LTBP1: variants seen among roughly 807,000 people sequenced by gnomAD.
LTBP1 encodes the protein latent-transforming growth factor beta-binding protein 1.
A neutral mutation model predicts 207.6 loss-of-function variants in LTBP1; 129 were observed. The ratio of observed to expected loss-of-function variants is 0.62; its 90% CI spans 0.54 to 0.72. The LOEUF is 0.72. LTBP1 is among the 30% of genes least tolerant of loss of function. The pLI is 0.00. For synonymous variants in LTBP1, 963 were observed against 833.7 expected (o/e 1.16, Z -2.67); for missense variants, 2,281 against 2,217.2 (o/e 1.03, Z -0.58).
At chr2:33,392,696 C>T (rs761181583) in intron 32 of LTBP1, among the ~76,000 whole-genome samples, 29 of 152,188 alleles carry the variant, frequency 1.9e-4, no homozygotes, top group Admixed American at 1.4e-3. Context: ...TTTGGGGAGC[C>T]TGCCTGATGT....
At chr2:33,332,395 A>AC (rs1398820651) in intron 24 of LTBP1, among the ~76,000 whole-genome samples, 8 of 131,448 alleles carry the variant, frequency 6.1e-5, no homozygotes, top group Admixed American at 7.2e-5. Flanking sequence ...AAAAAAAAAA[A>AC]AAAGAGAGAG....
At chr2:33,382,310 C>T (rs190635774) in intron 31 of LTBP1, among the ~76,000 whole-genome samples, 9 of 151,970 alleles carry the variant, frequency 5.9e-5, no homozygotes, top group Non-Finnish European at 7.4e-5. Context: ...GTTCAGGCTG[C>T]TCTCGAACTC....
chr2:33,193,266 C>T lies in LTBP1; in HGVS notation c.1701+4415C>T, dbSNP rs577161594. Among the ~76,000 whole-genome samples the T allele has an allele frequency of 9.2e-4, 140 of 152,208 alleles. 1 individual carries two copies. The highest frequency in any genetic ancestry group is 1.6e-3 in the Non-Finnish European group (112 of 68,000). ...AAGGGATTCTCCTGCCTCAGCCTCC[C>T]GAGTGGCTGGAATTACAGGTGTGCA... On this transcript the variant is annotated intron_variant, in intron 7 of 33. Coordinates refer to ENST00000404816, the MANE Select transcript of LTBP1 (RefSeq NM_206943.4).
rs2091148982 is a variant in LTBP1, at chr2:33,222,110, G to A, written c.1835G>A (p.Cys612Tyr). 6.2e-7 allele frequency: 1 copy of A among 1,612,896 alleles called. No individual in the cohort carries two copies. The highest frequency in any genetic ancestry group is 8.5e-7 in the Non-Finnish European group (1 of 1,178,880). Residue 612 changes from cysteine (C) to tyrosine (Y), a missense_variant, in exon 9 of 34, where the codon TGC becomes TAC. By Grantham distance (194) the Cys-to-Tyr change is radical (BLOSUM62 -2). Around this residue, in one of 3 missense-constraint regions of LTBP1, gnomAD observed 1,671 missense variants for 1,634.8 expected, o/e 1.02. Coordinates refer to ENST00000404816, the MANE Select transcript of LTBP1 (RefSeq NM_206943.4). Reference sequence around the variant, plus strand: ...CATGGATACAACCAAATGATGGAATGCCTACCGGGTTATAAGCGGGTTAAC... The same window carrying A: ...CATGGATACAACCAAATGATGGAATACCTACCGGGTTATAAGCGGGTTAAC... ...SYHGYNQMME[C>Y]LPGYKRVNNT...
chr2:33,347,258 G>A, intron 25 of LTBP1, 109 bp from the exon 26 acceptor site: 1 of 1,243,804 alleles, frequency 8.0e-7, no homozygotes, highest in Non-Finnish European at 1.1e-6. Context: ...TGCTCTCTGG[G>A]GATCGCCTTC....
intron 9 of LTBP1, among the ~76,000 whole-genome samples, chr2:33,229,468 T>C (rs1015045373): frequency 1.2e-4 from 18 of 152,224 alleles, no homozygotes; most frequent in African/African-American, 4.3e-4. Flanking sequence ...AGTGAGACCC[T>C]GTCTCTAAAA....
intron 3 of LTBP1, among the ~76,000 whole-genome samples, chr2:33,043,707 A>G (rs1252706766): frequency 6.6e-6 from 1 of 152,226 alleles, no homozygotes; most frequent in Non-Finnish European, 1.5e-5. Flanking sequence ...TACATGAAGT[A>G]TTCCTATTAG....
chr2:33,056,639 A>G (rs2077015176), intron 3 of LTBP1: 1 of 229,090 alleles, frequency 4.4e-6, no homozygotes, highest in Non-Finnish European at 8.7e-6. Context: ...GTTCCTTCTG[A>G]TGTTCAGATG....
intron 12 of LTBP1, 88 bp downstream of exon 12, chr2:33,257,599 T>G (rs577395528): frequency 9.2e-7 from 1 of 1,092,326 alleles, no homozygotes; most frequent in African/African-American, 1.6e-5. Context: ...TAGAACAGAG[T>G]TTCTCAGCCT....
At chr2:33,150,620 T>G (rs181224621) in intron 5 of LTBP1, among the ~76,000 whole-genome samples, 2,113 of 151,994 alleles carry the variant, frequency 0.014, 22 homozygotes, top group Non-Finnish European at 0.021. Context: ...TCTCTATGAA[T>G]TTGAGTATTT....
chr2:33,138,828 C>T (rs949694257), intron 5 of LTBP1, among the ~76,000 whole-genome samples: 1 of 147,876 alleles, frequency 6.8e-6, no homozygotes, highest in Non-Finnish European at 1.5e-5. Context: ...AAACATTGGA[C>T]CATTTAAAAA....
chr2:32,959,127 A>AG (rs1304536215), intron 2 of LTBP1, among the ~76,000 whole-genome samples: 4 of 152,224 alleles, frequency 2.6e-5, no homozygotes, highest in Non-Finnish European at 5.9e-5. Flanking sequence ...TTTGTAAACT[A>AG]GAAGATGGAT....
chr2:33,131,013 A>T (rs1446682631), intron 4 of LTBP1, among the ~76,000 whole-genome samples: 1 of 151,970 alleles, frequency 6.6e-6, no homozygotes, highest in African/African-American at 2.4e-5. Flanking sequence ...GGTAGGTGCC[A>T]CTCGGGATGG....
At chr2:33,038,777 G>A (rs1351785001) in intron 3 of LTBP1, among the ~76,000 whole-genome samples, 1 of 152,194 alleles carries the variant, frequency 6.6e-6, no homozygotes, top group Non-Finnish European at 1.5e-5. Flanking sequence ...TGAGTCTTTG[G>A]AAAGACTCAG....
intron 2 of LTBP1, among the ~76,000 whole-genome samples, chr2:32,956,300 A>G (rs1296180519): frequency 1.3e-5 from 2 of 152,194 alleles, no homozygotes; most frequent in African/African-American, 4.8e-5. Context: ...GACCTACTGT[A>G]TAACTTCTTT....
chr2:33,202,274 C>G (rs2089392126), intron 7 of LTBP1, among the ~76,000 whole-genome samples: 1 of 151,936 alleles, frequency 6.6e-6, no homozygotes, highest in Admixed American at 6.5e-5. Context: ...TTCCACTGGA[C>G]AAAAGCCAGT....
rs527343511 is a variant in LTBP1, at chr2:33,319,179, C to T, written c.3730+3910C>T. Among the ~76,000 whole-genome samples, 7 of 152,260 alleles carry T rather than the reference C, an allele frequency of 4.6e-5. No homozygotes were observed. In the East Asian group the frequency reaches 1.4e-3, roughly 29 times the overall value. ...TTGGGAGGCCAAGGCAGGTGGATCA[C>T]CTGAGGTCAGGAGTTCGAGACCAGC... is the stretch of plus-strand genomic sequence containing the variant. On this transcript the variant is annotated intron_variant, in intron 24 of 33. Coordinates refer to ENST00000404816, the MANE Select transcript of LTBP1 (RefSeq NM_206943.4).
intron 3 of LTBP1, among the ~76,000 whole-genome samples, chr2:33,071,302 A>C (rs1220525110): frequency 6.6e-6 from 1 of 152,238 alleles, no homozygotes; most frequent in Non-Finnish European, 1.5e-5. Context: ...TGCCTTCCTC[A>C]CAGTGAATGA....
At chr2:33,061,923 A>G (rs2077288876) in intron 3 of LTBP1, among the ~76,000 whole-genome samples, 1 of 152,164 alleles carries the variant, frequency 6.6e-6, no homozygotes, top group Non-Finnish European at 1.5e-5. Flanking sequence ...TCTTTCTATT[A>G]GGAGTGGATG....
Sources: allele counts gnomAD v4.1 joint callset (sites outside exome capture counted in the v4.1 genomes callset), GRCh38; gene constraint gnomAD v4.1.1; regional missense constraint gnomAD v4.1.1; transcripts MANE v1.5; gene names NCBI Gene and HGNC (gene_info 2026-07-23, HGNC 2026-07-21).